The following CNTN5 variants were observed in gnomAD, a reference collection of about 807,000 sequenced individuals.
The protein encoded by CNTN5 is contactin 5, also known as contactin-5.
A neutral mutation model predicts 129.1 loss-of-function variants in CNTN5; 77 were observed. The observed-to-expected ratio is 0.60, with a 90% confidence interval of 0.50 to 0.72. CNTN5 has a LOEUF of 0.72. CNTN5 is among the 30% of genes least tolerant of loss of function. CNTN5 has a pLI of 0.00. For missense variants in CNTN5, 1,478 were observed against 1,328.8 expected (o/e 1.11, Z -1.75); for synonymous variants, 509 against 465.6 (o/e 1.09, Z -1.20).
chr11:100,034,017 TCTTA>T (rs1941856148), intron 9 of CNTN5, among the ~76,000 whole-genome samples: 1 of 152,228 alleles, frequency 6.6e-6, no homozygotes, highest in East Asian at 1.9e-4. Flanking sequence ...TCATTCTGTA[TCTTA>T]CTTCCTGCTT....
intron 2 of CNTN5, among the ~76,000 whole-genome samples, chr11:99,463,064 C>T (rs1229859490): frequency 2.0e-5 from 3 of 151,058 alleles, no homozygotes; most frequent in African/African-American, 7.3e-5. Context: ...GCAGATATCA[C>T]GCCACTGCAC....
intron 9 of CNTN5, among the ~76,000 whole-genome samples, chr11:100,017,412 G>T (rs1190309497): frequency 6.6e-6 from 1 of 152,020 alleles, no homozygotes; most frequent in African/African-American, 2.4e-5. Context: ...ACTCAATGTT[G>T]TGTTGTAGTT....
intron 4 of CNTN5, among the ~76,000 whole-genome samples, chr11:99,829,888 G>C (rs983619459): frequency 2.0e-5 from 3 of 152,062 alleles, no homozygotes; most frequent in African/African-American, 7.2e-5. Flanking sequence ...ACATAGGCAA[G>C]GATTATTAAC....
At chr11:100,276,116 T>C (rs1312877712) in intron 18 of CNTN5, among the ~76,000 whole-genome samples, 1 of 152,222 alleles carries the variant, frequency 6.6e-6, no homozygotes, top group Admixed American at 6.5e-5. Context: ...ACTTATTTAA[T>C]AGAATATTCT....
chr11:99,231,610 T>G (rs963708721), intron 1 of CNTN5, among the ~76,000 whole-genome samples: 3 of 152,340 alleles, frequency 2.0e-5, no homozygotes, highest in Admixed American at 6.5e-5. Context: ...GTCTGTTCAC[T>G]CTGATGATAG....
At position 99,984,448 on chromosome 11, in the gene CNTN5, C is replaced by T. The variant is rs7126441; in HGVS notation, c.878-17586C>T. 3.5e-3 allele frequency among the ~76,000 whole-genome samples: 531 copies of T among 151,356 alleles called. 4 individuals are homozygous for T. Among genetic ancestry groups the T allele is most frequent in the African/African-American group, 0.013 (519 of 41,180 alleles). ...CTGCAGTAAGGCACAAGATTTCTTGCGGGAGGAATTAGAGAAGGTTGTTTT... is the reference window on the plus strand; with the variant it reads ...CTGCAGTAAGGCACAAGATTTCTTGTGGGAGGAATTAGAGAAGGTTGTTTT... On this transcript the variant is annotated intron_variant, in intron 8 of 24. Transcript: ENST00000524871.
chr11:99,433,670 A>G lies in CNTN5; in HGVS notation c.-71+108186A>G, dbSNP rs143408795. 4.2e-3 allele frequency among the ~76,000 whole-genome samples: 638 copies of G among 152,294 alleles called. 4 individuals are homozygous for G. The highest frequency in any genetic ancestry group is 0.015 in the African/African-American group (612 of 41,570). ...CATTATGAAACAGAGTGATTCAATA[A>G]TATTCAAGACATTGAGAAGACACTT... is the stretch of plus-strand genomic sequence containing the variant. On this transcript the variant is annotated intron_variant, in intron 2 of 24. Transcript: ENST00000524871.
intron 15 of CNTN5, among the ~76,000 whole-genome samples, chr11:100,206,459 T>C (rs774096856): frequency 2.6e-5 from 4 of 152,114 alleles, no homozygotes; most frequent in Non-Finnish European, 4.4e-5. Flanking sequence ...AAGGTACATA[T>C]ACATAGCAAA....
At chr11:99,719,374 C>T (rs1408248627) in intron 3 of CNTN5, among the ~76,000 whole-genome samples, 1 of 152,000 alleles carries the variant, frequency 6.6e-6, no homozygotes, top group African/African-American at 2.4e-5. Context: ...AAGAAGGCCA[C>T]TCTTTCCTTA....
chr11:100,284,516 C>T (rs376704666), intron 18 of CNTN5, among the ~76,000 whole-genome samples: 2 of 151,988 alleles, frequency 1.3e-5, no homozygotes, highest in Non-Finnish European at 2.9e-5. Context: ...AGATGACACT[C>T]AGGACAAAAA....
At chr11:100,112,485 A>T (rs568863446) in intron 13 of CNTN5, among the ~76,000 whole-genome samples, 5 of 152,290 alleles carry the variant, frequency 3.3e-5, no homozygotes, top group African/African-American at 1.2e-4. Context: ...AAAATGTAAC[A>T]TATATCCCTG....
chr11:100,265,013 T>C (rs1040843918), intron 17 of CNTN5, among the ~76,000 whole-genome samples: 1 of 152,148 alleles, frequency 6.6e-6, no homozygotes, highest in Non-Finnish European at 1.5e-5. Flanking sequence ...TATATGTTTG[T>C]TGGCCACATA....
At chr11:99,806,829 AAAT>A (rs1189725981) in intron 3 of CNTN5, among the ~76,000 whole-genome samples, 10 of 151,476 alleles carry the variant, frequency 6.6e-5, no homozygotes, top group African/African-American at 2.2e-4. Context: ...AAAAAAAAAA[AAAT>A]AGATACATTA....
chr11:99,706,176 TCTGATGAGAG>T (rs1026594452), intron 3 of CNTN5, among the ~76,000 whole-genome samples: 3 of 151,340 alleles, frequency 2.0e-5, no homozygotes, highest in Non-Finnish European at 4.4e-5. Flanking sequence ...GGGGAACAAA[TCTGATGAGAG>T]CAGTTGGTTG....
intron 6 of CNTN5, among the ~76,000 whole-genome samples, chr11:99,911,868 CTCT>C (rs199976337): frequency 0.016 from 2,383 of 151,988 alleles, 32 homozygotes; most frequent in Non-Finnish European, 0.024. Context: ...TTGGGTATAT[CTCT>C]ACCTTGTTTT....
At chr11:99,730,976 A>G (rs1943512068) in intron 3 of CNTN5, among the ~76,000 whole-genome samples, 2 of 152,150 alleles carry the variant, frequency 1.3e-5, no homozygotes, top group East Asian at 1.9e-4. Context: ...TCTGGTAACT[A>G]TAGTTGTACT....
intron 3 of CNTN5, among the ~76,000 whole-genome samples, chr11:99,571,205 C>T (rs995872836): frequency 3.9e-5 from 6 of 152,062 alleles, no homozygotes; most frequent in African/African-American, 9.7e-5. Context: ...GTAGTAGTTG[C>T]GAGAGAAAAG....
At chr11:99,329,594 C>T (rs972296285) in intron 2 of CNTN5, among the ~76,000 whole-genome samples, 16 of 152,074 alleles carry the variant, frequency 1.1e-4, no homozygotes, top group East Asian at 7.7e-4. Flanking sequence ...CATCTCTCTG[C>T]GCTAAGCTTA....
At chr11:99,144,271 A>G (rs1468404688) in intron 1 of CNTN5, among the ~76,000 whole-genome samples, 26 of 152,204 alleles carry the variant, frequency 1.7e-4, no homozygotes, top group Admixed American at 1.7e-3. Context: ...TCTAGGGAAA[A>G]ATAGATATTT....
Sources: gnomAD v4.1 joint callset for allele counts (sites outside exome capture counted in the v4.1 genomes callset) on GRCh38, gnomAD v4.1.1 for gene constraint, MANE v1.5 for transcripts, NCBI Gene and HGNC (gene_info 2026-07-23, HGNC 2026-07-21) for gene names.